CNBD1: variants seen among roughly 807,000 people sequenced by gnomAD.
CNBD1 encodes cyclic nucleotide binding domain containing 1, also known as cyclic nucleotide-binding domain-containing protein 1.
CNBD1 carries 71 observed loss-of-function variants against 54.4 expected under a neutral mutation model. That is an observed-to-expected ratio of 1.30 (90% CI 1.08 to 1.59). The LOEUF (loss-of-function observed/expected upper bound fraction) is 1.59. Among genes scored for constraint, CNBD1 ranks in the 40% most tolerant of loss-of-function variants. The probability of loss-of-function intolerance (pLI) is 0.00; values close to 1 mark genes in which losing one functional copy is unlikely to be tolerated. For synonymous variants in CNBD1, 182 were observed against 170.7 expected (o/e 1.07, Z -0.51); for missense variants, 659 against 518.0 (o/e 1.27, Z -2.64).
chr8:87,244,605 T>A (rs1179790844), intron 6 of CNBD1, among the ~76,000 whole-genome samples: 1 of 152,168 alleles, frequency 6.6e-6, no homozygotes, highest in Non-Finnish European at 1.5e-5. Context: ...TCTCTTCATC[T>A]GCCCCTCCTC....
At position 87,207,565 on chromosome 8, in the gene CNBD1, G is replaced by A. The variant is rs1303185096; in HGVS notation, c.577+1427G>A. Among the ~76,000 whole-genome samples the A allele has an allele frequency of 3.3e-5, 5 of 152,038 alleles. No individual in the cohort carries two copies. The East Asian group carries it at 7.7e-4, about 24-fold the overall frequency. ...TTAAAAATTGTTGCCTTAGTGTAGG[G>A]GAGTGAAATTGAGGGGTGATAAAGG... On this transcript the variant is annotated intron_variant, in intron 5 of 10. Coordinates refer to ENST00000518476, the MANE Select transcript of CNBD1 (RefSeq NM_173538.3).
chr8:87,330,865 T>G (rs925533023), intron 8 of CNBD1, among the ~76,000 whole-genome samples: 2 of 152,144 alleles, frequency 1.3e-5, no homozygotes, highest in Non-Finnish European at 2.9e-5. Context: ...ATATATAAAA[T>G]GTACATAATA....
At chr8:86,909,036 G>A (rs546128034) in intron 3 of CNBD1, among the ~76,000 whole-genome samples, 13 of 152,218 alleles carry the variant, frequency 8.5e-5, no homozygotes, top group East Asian at 1.9e-4. Context: ...GATTACAGGC[G>A]TGAGCCACTG....
At chr8:87,025,679 C>A (rs1290789624) in intron 4 of CNBD1, among the ~76,000 whole-genome samples, 1 of 152,182 alleles carries the variant, frequency 6.6e-6, no homozygotes, top group African/African-American at 2.4e-5. Context: ...GTGGGTGGAA[C>A]AGACAACTCC....
At chr8:87,007,087 C>A (rs936011550) in intron 4 of CNBD1, among the ~76,000 whole-genome samples, 3 of 151,888 alleles carry the variant, frequency 2.0e-5, no homozygotes, top group African/African-American at 7.3e-5. Context: ...ATCCTAGCTA[C>A]TTGGGAGGCT....
At chr8:86,959,319 T>G (rs1807866942) in intron 4 of CNBD1, among the ~76,000 whole-genome samples, 1 of 152,188 alleles carries the variant, frequency 6.6e-6, no homozygotes, top group South Asian at 2.1e-4. Context: ...ATCTGACAAT[T>G]ATATGTCTTG....
At chr8:87,335,672 T>C (rs1377244013) in intron 8 of CNBD1, among the ~76,000 whole-genome samples, 1 of 152,156 alleles carries the variant, frequency 6.6e-6, no homozygotes, top group East Asian at 1.9e-4. Flanking sequence ...TGTCAGTCTG[T>C]GTCTTTTAAT....
chr8:87,283,471 T>G (rs1808634741), intron 6 of CNBD1, among the ~76,000 whole-genome samples: 1 of 152,032 alleles, frequency 6.6e-6, no homozygotes, highest in African/African-American at 2.4e-5. Flanking sequence ...ATACATAAGG[T>G]TAAGTTTGTA....
At chr8:87,376,108 A>G (rs901302775) in intron 10 of CNBD1, among the ~76,000 whole-genome samples, 5 of 151,966 alleles carry the variant, frequency 3.3e-5, no homozygotes, top group Non-Finnish European at 7.4e-5. Context: ...CACTTACTGT[A>G]GACTGTGACT....
At chr8:87,307,723 G>T (rs1345331790) in intron 8 of CNBD1, among the ~76,000 whole-genome samples, 1 of 130,646 alleles carries the variant, frequency 7.7e-6, no homozygotes, top group African/African-American at 3.0e-5. Context: ...GGGCAAAAGA[G>T]TGAAACTCCG....
At chr8:87,233,080 C>G (rs935103740) in intron 5 of CNBD1, among the ~76,000 whole-genome samples, 5 of 151,970 alleles carry the variant, frequency 3.3e-5, no homozygotes, top group Non-Finnish European at 5.9e-5. Context: ...CATTTAAACC[C>G]TTTAATAGTA....
intron 8 of CNBD1, among the ~76,000 whole-genome samples, chr8:87,326,397 GT>G (rs1357074324): frequency 7.9e-6 from 1 of 126,048 alleles, no homozygotes; most frequent in African/African-American, 2.9e-5. Context: ...CCTGTAGAGT[GT>G]TTTCCAACTT....
At chr8:86,925,468 C>T (rs972191596) in intron 3 of CNBD1, among the ~76,000 whole-genome samples, 4 of 146,850 alleles carry the variant, frequency 2.7e-5, no homozygotes, top group South Asian at 2.2e-4. Context: ...AAAATATATA[C>T]GGGCTTACCA....
chr8:86,958,011 G>A (rs1807824725), intron 4 of CNBD1, among the ~76,000 whole-genome samples: 1 of 152,194 alleles, frequency 6.6e-6, no homozygotes, highest in Non-Finnish European at 1.5e-5. Context: ...ATGTGTCCTA[G>A]AGATTCTGGT....
intron 4 of CNBD1, among the ~76,000 whole-genome samples, chr8:87,143,693 A>T (rs571492780): frequency 6.6e-6 from 1 of 152,336 alleles, no homozygotes; most frequent in South Asian, 2.1e-4. Context: ...CAAAGCAATT[A>T]AATATCCAAA....
chr8:87,282,005 GTTA>G (rs1563536820), intron 6 of CNBD1, among the ~76,000 whole-genome samples: 1 of 148,476 alleles, frequency 6.7e-6, no homozygotes, highest in African/African-American at 2.5e-5. Context: ...AACTGTTTTG[GTTA>G]TTTTCTTTGA....
At chr8:86,991,679 A>G (rs1046405017) in intron 4 of CNBD1, among the ~76,000 whole-genome samples, 3 of 149,538 alleles carry the variant, frequency 2.0e-5, no homozygotes, top group African/African-American at 7.4e-5. Flanking sequence ...TCTTAACATT[A>G]CTTGAGCTGT....
intron 10 of CNBD1, among the ~76,000 whole-genome samples, chr8:87,378,674 T>C (rs923787287): frequency 6.6e-6 from 1 of 150,710 alleles, no homozygotes; most frequent in African/African-American, 2.5e-5. Context: ...AAAGTAGTTT[T>C]TTCCAATTCT....
In CNBD1 at chr8:87,324,768, G is replaced by A. The variant is rs561387243; in HGVS notation, c.1043-26917G>A. 3.6e-3 allele frequency among the ~76,000 whole-genome samples: 528 copies of A among 145,514 alleles called. 7 individuals carry two copies. The highest frequency in any genetic ancestry group is 0.012 in the African/African-American group (463 of 38,906). ...CAAAAAACCAGCTCCTGGATTCATT[G>A]ATTTTTTGAAGGGTTTTTTGTGTCT... is the stretch of plus-strand genomic sequence containing the variant. On this transcript the variant is annotated intron_variant, in intron 8 of 10. Coordinates refer to ENST00000518476, the MANE Select transcript of CNBD1 (RefSeq NM_173538.3).
Sources: allele counts gnomAD v4.1 joint callset (sites outside exome capture counted in the v4.1 genomes callset), GRCh38; gene constraint gnomAD v4.1.1; transcripts MANE v1.5; gene names NCBI Gene and HGNC (gene_info 2026-07-23, HGNC 2026-07-21).